Variants in TAFA5 observed in about 807,000 individuals in gnomAD.
The protein encoded by TAFA5 is TAFA chemokine like family member 5, also known as chemokine-like protein TAFA-5.
TAFA5 carries 6 observed loss-of-function variants against 15.3 expected under a neutral mutation model. The ratio of observed to expected loss-of-function variants is 0.39; its 90% CI spans 0.21 to 0.77. The LOEUF (loss-of-function observed/expected upper bound fraction) is 0.77, where lower values mean the gene tolerates loss of function less well. Ranked by LOEUF, TAFA5 falls within the 30% of genes least tolerant of loss-of-function variation. The pLI, the probability that TAFA5 is intolerant of heterozygous loss-of-function variation, is 0.41. For missense variants in TAFA5, 161 were observed against 193.1 expected (o/e 0.83, Z 0.98); for synonymous variants, 103 against 80.7 (o/e 1.28, Z -1.48).
Position 48,681,760 on chromosome 22 carries a change from A to G in TAFA5, c.263-25957A>G, listed in dbSNP as rs533248508. Among the ~76,000 whole-genome samples, 7 of 152,208 alleles carry G rather than the reference A, an allele frequency of 4.6e-5. No individual in the cohort carries two copies. The South Asian group carries it at 1.5e-3, about 32-fold the overall frequency. ...GAACACACGTGTAGTTATTTAGTTG[A>G]GTTAGAAGATGGGGTCTGTCCTTCT... is the stretch of plus-strand genomic sequence containing the variant. On this transcript the variant is annotated intron_variant, in intron 2 of 3. Coordinates refer to ENST00000402357, the MANE Select transcript of TAFA5 (RefSeq NM_001082967.3).
intron 2 of TAFA5, among the ~76,000 whole-genome samples, chr22:48,647,627 C>T (rs546791593): frequency 2.4e-4 from 36 of 152,242 alleles, no homozygotes; most frequent in Non-Finnish European, 4.1e-4. Context: ...CATGTAGGCC[C>T]GGCATTAAAT....
intron 2 of TAFA5, among the ~76,000 whole-genome samples, chr22:48,663,573 C>T (rs1378771792): frequency 6.6e-6 from 1 of 152,208 alleles, no homozygotes; most frequent in African/African-American, 2.4e-5. Context: ...CACAGCATTG[C>T]TTTCTGTGGT....
intron 1 of TAFA5, among the ~76,000 whole-genome samples, chr22:48,645,486 G>C (rs900197788): frequency 1.3e-5 from 2 of 152,118 alleles, no homozygotes; most frequent in African/African-American, 4.8e-5. Context: ...TGCGGAGGGG[G>C]CAGTGAGGAA....
At chr22:48,630,930 C>G (rs1279417304) in intron 1 of TAFA5, among the ~76,000 whole-genome samples, 1 of 152,202 alleles carries the variant, frequency 6.6e-6, no homozygotes, top group Admixed American at 6.5e-5. Context: ...GCCCGGCGTG[C>G]GTGCTGGCTC....
rs1193209659 is a variant in TAFA5, at chr22:48,552,473, C to T, written c.112+62769C>T. On this transcript the variant is annotated intron_variant, in intron 1 of 3. Transcript: ENST00000402357. This position sits in a 1 kb window ranked among gnomAD's most constrained non-coding sequence, Gnocchi z 4.1. ...GGAAGCCCTTATGAGCGTGTACATCCTCTCTCGGGGTCCTGCAGGCCACGA... is the reference window on the plus strand; with the variant it reads ...GGAAGCCCTTATGAGCGTGTACATCTTCTCTCGGGGTCCTGCAGGCCACGA... Among the ~76,000 whole-genome samples, 3 of 152,146 alleles carry T rather than the reference C, an allele frequency of 2.0e-5. No individual in the cohort carries two copies.
intron 1 of TAFA5, among the ~76,000 whole-genome samples, chr22:48,572,369 ATGGGCCACCC>A (rs1039139025): frequency 1.3e-5 from 2 of 152,252 alleles, no homozygotes; most frequent in Admixed American, 1.3e-4. Flanking sequence ...GTGTAGACAG[ATGGGCCACCC>A]TGGAAGTGGG....
intron 1 of TAFA5, among the ~76,000 whole-genome samples, chr22:48,592,167 A>G (rs1377047036): frequency 6.6e-6 from 1 of 152,170 alleles, no homozygotes; most frequent in Non-Finnish European, 1.5e-5. Context: ...TGACCCACCC[A>G]TGGTGCTGAC....
chr22:48,495,815 C>T (rs1454057604), intron 1 of TAFA5, among the ~76,000 whole-genome samples: 1 of 152,226 alleles, frequency 6.6e-6, no homozygotes, highest in African/African-American at 2.4e-5. Context: ...CGGCTCTCAC[C>T]CTCTCCCCTG....
intron 2 of TAFA5, among the ~76,000 whole-genome samples, chr22:48,698,564 C>T (rs1928801296): frequency 6.8e-6 from 1 of 147,058 alleles, no homozygotes; most frequent in Non-Finnish European, 1.5e-5. Context: ...GATGCCAGTG[C>T]CATGCAGGGA....
At chr22:48,516,918 C>T (rs1921427462) in intron 1 of TAFA5, among the ~76,000 whole-genome samples, 1 of 152,228 alleles carries the variant, frequency 6.6e-6, no homozygotes, top group Non-Finnish European at 1.5e-5. Context: ...TCTGGCTGCC[C>T]TTACAGACTT....
chr22:48,613,416 G>A (rs997592616), intron 1 of TAFA5, among the ~76,000 whole-genome samples: 14 of 152,154 alleles, frequency 9.2e-5, no homozygotes, highest in African/African-American at 2.4e-4. Flanking sequence ...ATGCCCCTGC[G>A]GGCCCTGCCG....
intron 2 of TAFA5, among the ~76,000 whole-genome samples, chr22:48,658,246 G>T (rs6010480): frequency 0.054 from 8,043 of 148,990 alleles, 766 homozygotes; most frequent in African/African-American, 0.19. Flanking sequence ...CAGGGTGGGT[G>T]GGGGAGCAGC....
At chr22:48,591,732 G>T (rs1924574841) in intron 1 of TAFA5, among the ~76,000 whole-genome samples, 1 of 152,128 alleles carries the variant, frequency 6.6e-6, no homozygotes, top group African/African-American at 2.4e-5. Flanking sequence ...GGCCAGCTGA[G>T]CCCTGAACTG....
intron 2 of TAFA5, among the ~76,000 whole-genome samples, chr22:48,669,699 G>A (rs2147221121): frequency 6.6e-6 from 1 of 152,302 alleles, no homozygotes; most frequent in South Asian, 2.1e-4. Flanking sequence ...CAGGCTCCTG[G>A]GGGCAAAGGG....
chr22:48,678,217 G>A (rs1928036676), intron 2 of TAFA5, among the ~76,000 whole-genome samples: 1 of 152,112 alleles, frequency 6.6e-6, no homozygotes, highest in Admixed American at 6.5e-5. Flanking sequence ...TCTCTTTCCT[G>A]TTCCCTTAAG....
chr22:48,635,123 T>C (rs1340972884), intron 1 of TAFA5, among the ~76,000 whole-genome samples: 1 of 152,070 alleles, frequency 6.6e-6, no homozygotes, highest in Non-Finnish European at 1.5e-5. Flanking sequence ...ACAGCCGGCC[T>C]TGTTCCCGTT....
intron 2 of TAFA5, among the ~76,000 whole-genome samples, chr22:48,698,827 G>C (rs1928810600): frequency 6.6e-6 from 1 of 150,962 alleles, no homozygotes; most frequent in Non-Finnish European, 1.5e-5. Flanking sequence ...TTACCTGCGA[G>C]AGACCCTTCC....
intron 1 of TAFA5, among the ~76,000 whole-genome samples, chr22:48,542,177 A>T (rs1171499624): frequency 2.3e-5 from 2 of 87,330 alleles, no homozygotes; most frequent in African/African-American, 1.0e-4. Context: ...TGCATGTGTG[A>T]TGTGTGTGTC....
intron 1 of TAFA5, among the ~76,000 whole-genome samples, chr22:48,599,389 C>T (rs1238153162): frequency 1.3e-5 from 2 of 152,220 alleles, no homozygotes; most frequent in Non-Finnish European, 2.9e-5. Context: ...TGAACGTGTT[C>T]GTTACTGCTT....
Sources: allele counts gnomAD v4.1 joint callset (sites outside exome capture counted in the v4.1 genomes callset), GRCh38; gene constraint gnomAD v4.1.1; non-coding constraint Gnocchi (gnomAD v3.1); transcripts MANE v1.5; gene names NCBI Gene and HGNC (gene_info 2026-07-23, HGNC 2026-07-21).